IMMP2L: variants seen among roughly 807,000 people sequenced by gnomAD.
IMMP2L encodes inner mitochondrial membrane peptidase subunit 2, also known as mitochondrial inner membrane protease subunit 2.
In IMMP2L, 18 loss-of-function variants were observed where a neutral mutation model predicts 19.3. The observed-to-expected ratio is 0.93, with a 90% CI of 0.64 to 1.38. IMMP2L has a LOEUF of 1.38. IMMP2L is among the 40% of genes most tolerant of loss of function. The pLI is 0.00. For missense variants in IMMP2L, 233 were observed against 218.2 expected, an observed-to-expected ratio of 1.07 and a Z score of -0.43; for synonymous variants, 76 against 73.0, an observed-to-expected ratio of 1.04 and a Z score of -0.21.
At chr7:111,101,734 G>A (rs536482979) in intron 3 of IMMP2L, among the ~76,000 whole-genome samples, 6 of 151,392 alleles carry the variant, frequency 4.0e-5, no homozygotes, top group African/African-American at 1.5e-4. Context: ...TGAGTTAGGG[G>A]TTTGATTTTA....
chr7:111,406,384 T>C (rs1277688305), intron 3 of IMMP2L, among the ~76,000 whole-genome samples: 3 of 152,114 alleles, frequency 2.0e-5, no homozygotes, highest in Admixed American at 2.0e-4. Flanking sequence ...TCACCTGGAC[T>C]ATTGTAGTAG....
Position 111,213,042 on chromosome 7 carries a change from G to T in IMMP2L, c.240-249477C>A, listed in dbSNP as rs778007284. ...GGAGCTGGAAGCAGCCAGAAGCCCCGCCCTTCCAGGCACAGCTGCAGCCAC... is the reference window on the plus strand; with the variant it reads ...GGAGCTGGAAGCAGCCAGAAGCCCCTCCCTTCCAGGCACAGCTGCAGCCAC... On this transcript the variant is annotated intron_variant, in intron 3 of 5. Transcript: ENST00000405709. This position sits in a 1 kb window ranked among gnomAD's most constrained non-coding sequence, Gnocchi z 4.8. Among the ~76,000 whole-genome samples the T allele has an allele frequency of 1.3e-5, 2 of 152,182 alleles. No individual in the cohort carries two copies. The highest frequency in any genetic ancestry group is 2.9e-5 in the Non-Finnish European group (2 of 68,034).
chr7:111,174,392 C>T (rs1031249356), intron 3 of IMMP2L, among the ~76,000 whole-genome samples: 1 of 151,594 alleles, frequency 6.6e-6, no homozygotes, highest in Non-Finnish European at 1.5e-5. Context: ...ATGCATATTA[C>T]CATACATACA....
intron 1 of IMMP2L, among the ~76,000 whole-genome samples, chr7:111,530,065 G>A (rs1847247192): frequency 6.6e-6 from 1 of 152,184 alleles, no homozygotes; most frequent in Admixed American, 6.5e-5. Flanking sequence ...CATCAGCAAA[G>A]AGGGAAAGTC....
chr7:111,390,401 G>C (rs1440475859), intron 3 of IMMP2L, among the ~76,000 whole-genome samples: 1 of 152,070 alleles, frequency 6.6e-6, no homozygotes, highest in Non-Finnish European at 1.5e-5. Context: ...CTCAATGTCT[G>C]CTTCTAGGGA....
chr7:110,860,781 G>A (rs1206917574), intron 5 of IMMP2L, among the ~76,000 whole-genome samples: 1 of 151,940 alleles, frequency 6.6e-6, no homozygotes, highest in Admixed American at 6.6e-5. Flanking sequence ...TACATTTTTT[G>A]TGTTAAAGCC....
chr7:111,017,332 G>A (rs937319731), intron 3 of IMMP2L, among the ~76,000 whole-genome samples: 1 of 151,868 alleles, frequency 6.6e-6, no homozygotes, highest in African/African-American at 2.4e-5. Flanking sequence ...CCAAAGTACT[G>A]GGATTACAGA....
intron 3 of IMMP2L, among the ~76,000 whole-genome samples, chr7:111,314,548 T>C (rs985308663): frequency 6.6e-6 from 1 of 152,016 alleles, no homozygotes; most frequent in Admixed American, 6.6e-5. Flanking sequence ...ATGAGGAAAA[T>C]AAGATCATTT....
At chr7:111,316,381 A>G (rs1169174184) in intron 3 of IMMP2L, among the ~76,000 whole-genome samples, 1 of 152,216 alleles carries the variant, frequency 6.6e-6, no homozygotes, top group African/African-American at 2.4e-5. Context: ...CCTGAAAACC[A>G]GAATATATTT....
intron 3 of IMMP2L, among the ~76,000 whole-genome samples, chr7:111,262,857 C>T (rs1202198623): frequency 6.6e-6 from 1 of 152,096 alleles, no homozygotes; most frequent in Non-Finnish European, 1.5e-5. Context: ...ACCTCTCTCT[C>T]ATTTGTCTAA....
intron 3 of IMMP2L, among the ~76,000 whole-genome samples, chr7:111,005,652 G>A (rs929281984): frequency 3.3e-5 from 5 of 152,146 alleles, no homozygotes; most frequent in Admixed American, 3.3e-4. Context: ...AAACGACCAA[G>A]ATTAGTTTCT....
chr7:111,480,373 C>T (rs369005400), intron 3 of IMMP2L, among the ~76,000 whole-genome samples: 1 of 151,916 alleles, frequency 6.6e-6, no homozygotes, highest in African/African-American at 2.4e-5. Flanking sequence ...AGCCACTGTT[C>T]CCGGCCAAGG....
rs1244859287 is a variant in IMMP2L at position 110,902,686 on chromosome 7, A to G, written c.306-15991T>C. Among the ~76,000 whole-genome samples, 2 of 102,596 alleles carry G rather than the reference A, an allele frequency of 1.9e-5. 1 individual carries two copies. The highest frequency in any genetic ancestry group is 8.6e-5 in the African/African-American group (2 of 23,302). 67.3% of individuals were successfully genotyped at this position (102,596 alleles called of 152,430 possible). A position where few individuals can be genotyped will look rare whatever the true frequency, so the allele number is the denominator to read the frequency against. On this transcript the variant is annotated intron_variant, in intron 4 of 5. Coordinates refer to ENST00000405709, the MANE Select transcript of IMMP2L (RefSeq NM_032549.4). Reference sequence around the variant, plus strand: ...ACGCCTGTAATCCCAGCACTTTGGGAGGCCGAGGCGGGCGGATCACGAGGT... The same window carrying G: ...ACGCCTGTAATCCCAGCACTTTGGGGGGCCGAGGCGGGCGGATCACGAGGT...
At chr7:110,736,366 G>A (rs576106704) in intron 5 of IMMP2L, among the ~76,000 whole-genome samples, 17 of 152,278 alleles carry the variant, frequency 1.1e-4, no homozygotes, top group Admixed American at 9.8e-4. Flanking sequence ...TGGGGATGCC[G>A]AAAAGAACTT....
chr7:111,544,528 T>C (rs981919584), intron 1 of IMMP2L, among the ~76,000 whole-genome samples: 1 of 152,176 alleles, frequency 6.6e-6, no homozygotes, highest in African/African-American at 2.4e-5. Flanking sequence ...CTAAATTAGA[T>C]ACCTCACCTA....
At chr7:111,365,154 A>T (rs1218925691) in intron 3 of IMMP2L, among the ~76,000 whole-genome samples, 1 of 152,092 alleles carries the variant, frequency 6.6e-6, no homozygotes, top group Non-Finnish European at 1.5e-5. Flanking sequence ...TTAAAATTGA[A>T]TTCAGTATAA....
rs1024813047 is a variant in IMMP2L, at chr7:111,351,250, G to A, written c.239+135988C>T. Among the ~76,000 whole-genome samples the A allele has an allele frequency of 3.3e-5, 5 of 152,212 alleles. No individual in the cohort carries two copies. In the South Asian group the frequency reaches 1.0e-3, roughly 32 times the overall value. ...CTGTCACCCAGGCTGGAGTGCAGTG[G>A]CGCAATCTCTGCTCACCGCAACCTC... On this transcript the variant is annotated intron_variant, in intron 3 of 5. Transcript: ENST00000405709.
intron 3 of IMMP2L, among the ~76,000 whole-genome samples, chr7:111,375,490 T>C (rs1245648041): frequency 6.6e-6 from 1 of 151,962 alleles, no homozygotes; most frequent in Non-Finnish European, 1.5e-5. Flanking sequence ...AACTGTACCT[T>C]AGCAAACCTG....
chr7:110,750,769 C>A (rs949339796), intron 5 of IMMP2L, among the ~76,000 whole-genome samples: 5 of 151,986 alleles, frequency 3.3e-5, no homozygotes, highest in Non-Finnish European at 7.4e-5. Context: ...TGATAGGGAA[C>A]AAGGCCGGAC....
Sources: gnomAD v4.1 joint callset for allele counts (sites outside exome capture counted in the v4.1 genomes callset) on GRCh38, gnomAD v4.1.1 for gene constraint, Gnocchi (gnomAD v3.1) non-coding constraint, MANE v1.5 for transcripts, NCBI Gene and HGNC (gene_info 2026-07-23, HGNC 2026-07-21) for gene names.